SOCS6: variants seen among roughly 807,000 people sequenced by gnomAD.
The protein encoded by SOCS6 is STAT induced STAT inhibitor-4.
SOCS6 carries 5 observed loss-of-function variants against 27.7 expected under a neutral mutation model. That is an observed-to-expected ratio of 0.18 (90% CI 0.09 to 0.38). SOCS6 has a LOEUF of 0.38. Ranked by LOEUF, SOCS6 falls within the 10% of genes least tolerant of loss-of-function variation. SOCS6 has a pLI of 1.00. For synonymous variants in SOCS6, 271 were observed against 260.0 expected, an observed-to-expected ratio of 1.04 and a Z score of -0.41; for missense variants, 595 against 688.1, an observed-to-expected ratio of 0.86 and a Z score of 1.51.
chr18:70,326,144 C>T lies in SOCS6; in HGVS notation c.1476C>T (p.Ser492=). The part of the protein sequence containing the change: ...TYPVRLTNPV[S]RFMQVRSLQY... ...CCGTCAGACTGACCAACCCAGTGTC[C>T]CGGTTCATGCAGGTGCGCTCGTTGC... Residue 492 remains serine (S), a synonymous_variant, in exon 2 of 2, where the codon TCC becomes TCT. Transcript: ENST00000397942. 3 of 1,614,166 alleles carry T rather than the reference C, an allele frequency of 1.9e-6. No individual in the cohort carries two copies. The highest frequency in any genetic ancestry group is 2.5e-6 in the Non-Finnish European group (3 of 1,180,048).
chr18:70,327,050 G>T lies in SOCS6; in HGVS notation c.*774G>T. 1 of 166,372 alleles carries T rather than the reference G, an allele frequency of 6.0e-6. No individual in the cohort carries two copies. The allele number at this position is 166,372 out of a possible 1,614,324, so 10.3% of individuals were successfully genotyped here. A position where few individuals can be genotyped will look rare whatever the true frequency, so the allele number is the denominator to read the frequency against. On this transcript the variant is annotated 3_prime_UTR_variant, in exon 2 of 2. Transcript: ENST00000397942. Reference sequence around the variant, plus strand: ...TTGCCTTTTCTGTAATTAAACTCGGGTACAAATTGGCATAACATGAAAACC... The same window carrying T: ...TTGCCTTTTCTGTAATTAAACTCGGTTACAAATTGGCATAACATGAAAACC...
chr18:70,324,534 A>AT lies in SOCS6; in HGVS notation c.-126-3dup. Reference sequence around the variant, plus strand: ...TTAATATGACTCTTTTTATATTTTTATTTTTTAGAAAATGGCTCCAAAGGT... The same window carrying AT: ...TTAATATGACTCTTTTTATATTTTTATTTTTTTAGAAAATGGCTCCAAAGGT... On this transcript the variant is annotated splice_polypyrimidine_tract_variant and intron_variant, in intron 1 of 1. Coordinates refer to ENST00000397942, the MANE Select transcript of SOCS6 (RefSeq NM_004232.4). 1.6e-5 allele frequency: 10 copies of AT among 623,752 alleles called. No individual in the cohort carries two copies. In the South Asian group the frequency reaches 2.3e-4, roughly 14 times the overall value. The allele number at this position is 623,752 out of a possible 1,614,324, so 38.6% of individuals were successfully genotyped here.
At chr18:70,289,458 C>T (rs1298327395) in intron 1 of SOCS6, among the ~76,000 whole-genome samples, 1 of 147,240 alleles carries the variant, frequency 6.8e-6, no homozygotes, top group African/African-American at 2.4e-5. Context: ...TCGGCCGCGG[C>T]GCGCCGGCCT....
chr18:70,328,416 T>C lies in SOCS6; in HGVS notation c.*2140T>C, dbSNP rs920620971. The C allele has an allele frequency of 6.0e-6, 1 of 166,636 alleles. No individual in the cohort carries two copies. The highest frequency in any genetic ancestry group is 1.5e-5 in the Non-Finnish European group (1 of 68,102). The allele number at this position is 166,636 out of a possible 1,614,324, so 10.3% of individuals were successfully genotyped here. On this transcript the variant is annotated 3_prime_UTR_variant, in exon 2 of 2. Transcript: ENST00000397942. The stretch of plus-strand genomic sequence containing the variant: ...TTTGGACTGCCCTGAACCCGTCTTA[T>C]GTGGACATAACCTATTCCCTTCGTT...
chr18:70,293,640 T>C (rs2062310030), intron 1 of SOCS6, among the ~76,000 whole-genome samples: 1 of 152,102 alleles, frequency 6.6e-6, no homozygotes. Context: ...AAGCCCTCCA[T>C]GCTAACTAAG....
rs187021602 is a variant in SOCS6 at position 70,302,761 on chromosome 18, T to C, written c.-127+13671T>C. Among the ~76,000 whole-genome samples the C allele has an allele frequency of 9.5e-3, 1,263 of 132,628 alleles. 8 individuals are homozygous for C. The highest frequency in any genetic ancestry group is 0.015 in the Non-Finnish European group (915 of 62,284). 87.0% of individuals were successfully genotyped at this position (132,628 alleles called of 152,430 possible). A position where few individuals can be genotyped will look rare whatever the true frequency, so the allele number is the denominator to read the frequency against. On this transcript the variant is annotated intron_variant, in intron 1 of 1. Coordinates refer to ENST00000397942, the MANE Select transcript of SOCS6 (RefSeq NM_004232.4). Reference sequence around the variant, plus strand: ...GCCGGTTCCTAACTGTATATATATATACACCAGTATAAAAAAAAAATTTAA... The same window carrying C: ...GCCGGTTCCTAACTGTATATATATACACACCAGTATAAAAAAAAAATTTAA...
chr18:70,321,432 T>C (rs1334803705), intron 1 of SOCS6, among the ~76,000 whole-genome samples: 1 of 146,802 alleles, frequency 6.8e-6, no homozygotes, highest in Non-Finnish European at 1.5e-5. Context: ...GCAATTCTTC[T>C]GCCTCAGCCT....
chr18:70,316,412 A>G (rs1181427407), intron 1 of SOCS6, among the ~76,000 whole-genome samples: 5 of 152,188 alleles, frequency 3.3e-5, no homozygotes, highest in Admixed American at 2.6e-4. Context: ...ACAGAATCCC[A>G]TATGTCTAAA....
intron 1 of SOCS6, among the ~76,000 whole-genome samples, chr18:70,311,378 T>C (rs2062390162): frequency 6.6e-6 from 1 of 152,172 alleles, no homozygotes; most frequent in East Asian, 1.9e-4. Context: ...GGAAGGCTTA[T>C]GGGAGATGGA....
chr18:70,308,039 T>G (rs561015508), intron 1 of SOCS6, among the ~76,000 whole-genome samples: 1 of 152,330 alleles, frequency 6.6e-6, no homozygotes, highest in East Asian at 1.9e-4. Context: ...TTCAAAATAT[T>G]TACTAACTTT....
intron 1 of SOCS6, among the ~76,000 whole-genome samples, chr18:70,301,994 C>T (rs1490015189): frequency 6.6e-6 from 1 of 152,132 alleles, no homozygotes; most frequent in Non-Finnish European, 1.5e-5. Flanking sequence ...TCGTGGGCAT[C>T]AGTAGACTCA....
At chr18:70,316,555 T>A (rs577419295) in intron 1 of SOCS6, among the ~76,000 whole-genome samples, 2 of 152,202 alleles carry the variant, frequency 1.3e-5, no homozygotes, top group Non-Finnish European at 2.9e-5. Context: ...TTTTTCTTCA[T>A]TATATTATGA....
At chr18:70,295,564 A>G (rs2062319400) in intron 1 of SOCS6, among the ~76,000 whole-genome samples, 1 of 152,202 alleles carries the variant, frequency 6.6e-6, no homozygotes, top group Non-Finnish European at 1.5e-5. Context: ...GACAATAGTC[A>G]TTTTTGTTTG....
At chr18:70,321,312 G>GA (rs1910977643) in intron 1 of SOCS6, among the ~76,000 whole-genome samples, 1 of 68,676 alleles carries the variant, frequency 1.5e-5, no homozygotes, top group Non-Finnish European at 2.6e-5. Context: ...AATTTTCTCA[G>GA]TTTTTTTTTT....
intron 1 of SOCS6, among the ~76,000 whole-genome samples, chr18:70,301,674 A>G (rs934251052): frequency 1.4e-4 from 21 of 151,962 alleles, no homozygotes; most frequent in African/African-American, 5.1e-4. Context: ...TGTAGGGCAC[A>G]TCGATGCTAT....
At chr18:70,315,180 A>G (rs2146285737) in intron 1 of SOCS6, among the ~76,000 whole-genome samples, 1 of 152,128 alleles carries the variant, frequency 6.6e-6, no homozygotes, top group South Asian at 2.1e-4. Flanking sequence ...GTCTTTGTCA[A>G]ATTTTGGTAT....
At chr18:70,316,801 T>G (rs2062413337) in intron 1 of SOCS6, among the ~76,000 whole-genome samples, 2 of 152,184 alleles carry the variant, frequency 1.3e-5, no homozygotes, top group Non-Finnish European at 2.9e-5. Flanking sequence ...TATTTTAAAT[T>G]AAAACAAGTA....
chr18:70,298,818 C>G (rs2062335605), intron 1 of SOCS6, among the ~76,000 whole-genome samples: 1 of 152,186 alleles, frequency 6.6e-6, no homozygotes, highest in South Asian at 2.1e-4. Flanking sequence ...ACAACCACTT[C>G]TTCAGTGTGA....
Position 70,317,979 on chromosome 18 carries a change from G to A in SOCS6, c.-126-6564G>A, listed in dbSNP as rs371586855. Among the ~76,000 whole-genome samples, 4 of 152,096 alleles carry A rather than the reference G, an allele frequency of 2.6e-5. No homozygotes were observed. In the East Asian group the frequency reaches 7.7e-4, roughly 29 times the overall value. On this transcript the variant is annotated intron_variant, in intron 1 of 1. Coordinates refer to ENST00000397942, the MANE Select transcript of SOCS6 (RefSeq NM_004232.4). ...AGCAGTCCTCCCACCTTAGCCTCCT[G>A]AGTAGCTTGAACTGCAAGCACACAC... is the stretch of plus-strand genomic sequence containing the variant.
Sources: allele counts gnomAD v4.1 joint callset (sites outside exome capture counted in the v4.1 genomes callset), GRCh38; gene constraint gnomAD v4.1.1; transcripts MANE v1.5; gene names NCBI Gene and HGNC (gene_info 2026-07-23, HGNC 2026-07-21).